GABRB2: variants seen among roughly 807,000 people sequenced by gnomAD.
GABRB2 encodes gamma-aminobutyric acid receptor subunit beta-2.
A neutral mutation model predicts 54.7 loss-of-function variants in GABRB2; 16 were observed. The ratio of observed to expected loss-of-function variants is 0.29; its 90% CI spans 0.20 to 0.44. The LOEUF (loss-of-function observed/expected upper bound fraction) is 0.44, where lower values mean the gene tolerates loss of function less well. Ranked by LOEUF, GABRB2 falls within the 20% of genes least tolerant of loss-of-function variation. The pLI is 1.00. For synonymous variants in GABRB2, 244 were observed against 233.8 expected (o/e 1.04, Z -0.40); for missense variants, 355 against 644.0 (o/e 0.55, Z 4.86).
intron 4 of GABRB2, among the ~76,000 whole-genome samples, chr5:161,457,929 G>A (rs1289916327): frequency 6.6e-6 from 1 of 152,124 alleles, no homozygotes; most frequent in Non-Finnish European, 1.5e-5. Flanking sequence ...GTATTCTGGA[G>A]AAACAGGAAG....
intron 5 of GABRB2, among the ~76,000 whole-genome samples, chr5:161,346,812 G>A (rs1754330456): frequency 6.6e-6 from 1 of 151,994 alleles, no homozygotes; most frequent in African/African-American, 2.4e-5. Flanking sequence ...GAAATTATCT[G>A]GTAAGGAAAT....
At chr5:161,538,855 T>C (rs1390085254) in intron 3 of GABRB2, among the ~76,000 whole-genome samples, 2 of 151,818 alleles carry the variant, frequency 1.3e-5, no homozygotes, top group African/African-American at 4.8e-5. Flanking sequence ...ACCTAGATAA[T>C]ATATTTCATG....
intron 5 of GABRB2, among the ~76,000 whole-genome samples, chr5:161,377,953 C>G (rs1368482931): frequency 6.6e-6 from 1 of 151,814 alleles, no homozygotes; most frequent in Non-Finnish European, 1.5e-5. Context: ...ATATTTAATA[C>G]AAATACATAA....
chr5:161,332,575 G>A (rs1753883808), intron 7 of GABRB2, among the ~76,000 whole-genome samples: 1 of 152,130 alleles, frequency 6.6e-6, no homozygotes. Context: ...ATATGATAAA[G>A]TCCAGCTTTG....
chr5:161,472,953 T>C (rs534880898), intron 3 of GABRB2, among the ~76,000 whole-genome samples: 66 of 152,064 alleles, frequency 4.3e-4, no homozygotes, highest in African/African-American at 1.3e-3. Flanking sequence ...AACATGGACA[T>C]AGTAGAGAAT....
chr5:161,415,253 C>T (rs908881228), intron 4 of GABRB2, among the ~76,000 whole-genome samples: 15 of 152,204 alleles, frequency 9.9e-5, no homozygotes, highest in Middle Eastern at 3.4e-3. Flanking sequence ...CGTAGTAAGT[C>T]GTCTATAGTT....
intron 4 of GABRB2, among the ~76,000 whole-genome samples, chr5:161,431,989 A>G (rs1374348317): frequency 6.6e-6 from 1 of 152,236 alleles, no homozygotes; most frequent in Non-Finnish European, 1.5e-5. Context: ...GCAGAGTTAT[A>G]CACAGAATAG....
intron 3 of GABRB2, among the ~76,000 whole-genome samples, chr5:161,503,496 G>A (rs999660328): frequency 1.6e-4 from 25 of 152,148 alleles, no homozygotes; most frequent in Non-Finnish European, 3.4e-4. Flanking sequence ...ATCACCTGAG[G>A]TTGGGAGTTT....
intron 5 of GABRB2, among the ~76,000 whole-genome samples, chr5:161,363,018 C>T (rs1580918221): frequency 6.6e-6 from 1 of 152,090 alleles, no homozygotes; most frequent in South Asian, 2.1e-4. Context: ...CCCAGCAATC[C>T]CATTACTGGG....
chr5:161,389,938 T>C (rs1415831156), intron 5 of GABRB2, among the ~76,000 whole-genome samples: 1 of 151,856 alleles, frequency 6.6e-6, no homozygotes, highest in Non-Finnish European at 1.5e-5. Flanking sequence ...ATTTCCTAAA[T>C]TATAAAATAA....
intron 5 of GABRB2, among the ~76,000 whole-genome samples, chr5:161,362,323 T>C (rs1287291873): frequency 6.6e-6 from 1 of 152,186 alleles, no homozygotes; most frequent in Non-Finnish European, 1.5e-5. Context: ...AGAAAGCCAA[T>C]GGTAGCTTGA....
intron 8 of GABRB2, among the ~76,000 whole-genome samples, chr5:161,328,738 GA>G (rs1753736082): frequency 2.0e-5 from 3 of 151,992 alleles, no homozygotes; most frequent in Admixed American, 6.6e-5. Context: ...AAGTTACAGG[GA>G]AGCTATCCTG....
chr5:161,339,204 G>T (rs1014827447), intron 5 of GABRB2, among the ~76,000 whole-genome samples: 3 of 152,214 alleles, frequency 2.0e-5, no homozygotes, highest in East Asian at 3.9e-4. Context: ...ACATAAACAT[G>T]AAAAAGGTTA....
intron 5 of GABRB2, among the ~76,000 whole-genome samples, chr5:161,345,285 T>G (rs1187245644): frequency 1.3e-5 from 2 of 152,050 alleles, no homozygotes; most frequent in African/African-American, 4.8e-5. Context: ...GAAAAAAAGT[T>G]GATGATCTAT....
chr5:161,500,162 C>T (rs574831891), intron 3 of GABRB2, among the ~76,000 whole-genome samples: 1 of 152,264 alleles, frequency 6.6e-6, no homozygotes, highest in East Asian at 1.9e-4. Context: ...GAGAATGGCA[C>T]TGAGGATATG....
chr5:161,369,063 A>G (rs1561625079), intron 5 of GABRB2, among the ~76,000 whole-genome samples: 1 of 152,232 alleles, frequency 6.6e-6, no homozygotes, highest in Non-Finnish European at 1.5e-5. Flanking sequence ...AGTAATGCCT[A>G]TGGGCCCCAC....
At chr5:161,358,345 T>C (rs893137658) in intron 5 of GABRB2, among the ~76,000 whole-genome samples, 6 of 151,966 alleles carry the variant, frequency 3.9e-5, no homozygotes, top group Non-Finnish European at 7.4e-5. Context: ...TTGGGTGTCA[T>C]GGTGGAAGGG....
intron 4 of GABRB2, among the ~76,000 whole-genome samples, chr5:161,450,687 C>T (rs1207284329): frequency 6.6e-6 from 1 of 152,144 alleles, no homozygotes; most frequent in Non-Finnish European, 1.5e-5. Context: ...ACTTCCCGCT[C>T]TGAGCCTCCC....
intron 3 of GABRB2, among the ~76,000 whole-genome samples, chr5:161,518,778 C>T (rs1760028046): frequency 1.3e-5 from 2 of 152,124 alleles, no homozygotes; most frequent in African/African-American, 4.8e-5. Flanking sequence ...CACCTTAAAG[C>T]ATGCTCATTA....
Sources: allele counts gnomAD v4.1 joint callset (sites outside exome capture counted in the v4.1 genomes callset), GRCh38; gene constraint gnomAD v4.1.1; transcripts MANE v1.5; gene names NCBI Gene and HGNC (gene_info 2026-07-23, HGNC 2026-07-21).